The following TTC3 variants were observed in gnomAD, a reference collection of about 807,000 sequenced individuals.
The protein encoded by TTC3 is E3 ubiquitin-protein ligase TTC3.
Under a neutral mutation model 249.6 loss-of-function variants are expected in TTC3, and 180 were observed. The ratio of observed to expected loss-of-function variants is 0.72; its 90% CI spans 0.64 to 0.82. The LOEUF (loss-of-function observed/expected upper bound fraction) is 0.82, where lower values mean the gene tolerates loss of function less well. Among genes scored for constraint, TTC3 ranks in the 40% least tolerant of loss-of-function variants. The pLI is 0.00. For synonymous variants in TTC3, 717 were observed against 805.0 expected (o/e 0.89, Z 1.85); for missense variants, 2,061 against 2,398.4 (o/e 0.86, Z 2.94).
rs754363314 is a variant in TTC3 at position 37,150,900 on chromosome 21, A to G, written c.2276+16A>G. 2.7e-5 allele frequency: 42 copies of G among 1,561,328 alleles called. No homozygotes were observed. The South Asian group carries it at 4.1e-4, about 15-fold the overall frequency. The stretch of plus-strand genomic sequence containing the variant: ...AATGTTCTAGGTAAGATTTTTAACA[A>G]TCAATCAGTGGTTTGATGATGTCTC... On this transcript the variant is annotated intron_variant, in intron 25 of 45. Coordinates refer to ENST00000355666, the Ensembl canonical transcript of TTC3.
intron 11 of TTC3, among the ~76,000 whole-genome samples, chr21:37,114,161 T>A (rs1297722747): frequency 1.3e-5 from 2 of 152,032 alleles, no homozygotes; most frequent in African/African-American, 4.8e-5. Context: ...CCAAAAGCAA[T>A]GGCAACAAAA....
chr21:37,104,356 G>A (rs144908638), intron 10 of TTC3, among the ~76,000 whole-genome samples: 3 of 152,200 alleles, frequency 2.0e-5, no homozygotes, highest in East Asian at 1.9e-4. Context: ...TTGGGAGGCC[G>A]AGGTGGGAGG....
At chr21:37,094,317 T>G (rs2073678129) in intron 8 of TTC3, among the ~76,000 whole-genome samples, 1 of 152,194 alleles carries the variant, frequency 6.6e-6, no homozygotes, top group Admixed American at 6.5e-5. Flanking sequence ...GTTGAAGAAA[T>G]ATGATTTTCT....
At chr21:37,100,410 G>A (rs1462271116) in intron 10 of TTC3, among the ~76,000 whole-genome samples, 1 of 152,184 alleles carries the variant, frequency 6.6e-6, no homozygotes, top group African/African-American at 2.4e-5. Context: ...AGTGAACAAT[G>A]ATCTTGAAAA....
chr21:37,148,943 C>A (rs1307433427), intron 23 of TTC3, among the ~76,000 whole-genome samples: 1 of 135,670 alleles, frequency 7.4e-6, no homozygotes, highest in Non-Finnish European at 1.6e-5. Flanking sequence ...CCTACTTCAG[C>A]CTCCCAAAGT....
intron 10 of TTC3, among the ~76,000 whole-genome samples, chr21:37,101,918 T>TTATA (rs61552508): frequency 0.33 from 49,298 of 147,268 alleles, 9,913 homozygotes; most frequent in Non-Finnish European, 0.46. Context: ...AGTATATAGT[T>TTATA]TATATATATA....
At chr21:37,109,719 C>T (rs981199996) in intron 11 of TTC3, among the ~76,000 whole-genome samples, 2 of 152,248 alleles carry the variant, frequency 1.3e-5, no homozygotes, top group African/African-American at 2.4e-5. Context: ...AGTAGTGGTT[C>T]TCCCAGCACG....
intron 17 of TTC3, 66 bp from the exon 18 acceptor site, chr21:37,135,314 G>A (rs1363799212): frequency 1.3e-5 from 20 of 1,504,404 alleles, no homozygotes; most frequent in African/African-American, 2.8e-5. Context: ...TATGAACTTG[G>A]CATCTTAGGT....
At chr21:37,125,043 C>T (rs1398558909) in intron 14 of TTC3, among the ~76,000 whole-genome samples, 1 of 152,172 alleles carries the variant, frequency 6.6e-6, no homozygotes, top group Non-Finnish European at 1.5e-5. Flanking sequence ...TTGGAAAAGT[C>T]CTCTTGTTGA....
intron 27 of TTC3, among the ~76,000 whole-genome samples, chr21:37,153,610 A>G (rs2079700868): frequency 6.6e-6 from 1 of 152,212 alleles, no homozygotes; most frequent in African/African-American, 2.4e-5. Flanking sequence ...TATTTTATAG[A>G]TAGGTTACAG....
chr21:37,184,366 T>C (rs2083033543), intron 36 of TTC3, among the ~76,000 whole-genome samples: 2 of 152,200 alleles, frequency 1.3e-5, no homozygotes, highest in South Asian at 4.1e-4. Context: ...GAATAAACTT[T>C]TTATTGTTGA....
At chr21:37,091,183 CAGTTTTGT>C (rs2147688804) in intron 6 of TTC3, 102 bp from the exon 7 acceptor site, 2 of 1,169,420 alleles carry the variant, frequency 1.7e-6, no homozygotes, top group Non-Finnish European at 2.5e-6. Flanking sequence ...GTGGTTGTAC[CAGTTTTGT>C]AGTAAGGATC....
exon 8 of TTC3, chr21:37,094,036 A>G: frequency 6.2e-7 from 1 of 1,609,260 alleles, no homozygotes; most frequent in South Asian, 1.1e-5. Flanking sequence ...TTGTAATGGA[A>G]GACTGCAATT....
At chr21:37,091,490 G>A (rs2073255717) in intron 7 of TTC3, 77 bp downstream of exon 7, 18 of 1,295,890 alleles carry the variant, frequency 1.4e-5, no homozygotes, top group Non-Finnish European at 1.8e-5. Flanking sequence ...GTAGTTAAGT[G>A]ATTTCTGATT....
chr21:37,142,041 A>C (rs1236552030), intron 20 of TTC3, among the ~76,000 whole-genome samples: 2 of 152,338 alleles, frequency 1.3e-5, no homozygotes, highest in African/African-American at 4.8e-5. Flanking sequence ...GCCTTTGACA[A>C]AATTCAACAG....
At chr21:37,110,439 A>G (rs1325517505) in intron 11 of TTC3, among the ~76,000 whole-genome samples, 5 of 152,262 alleles carry the variant, frequency 3.3e-5, no homozygotes, top group Admixed American at 6.5e-5. Flanking sequence ...GATGCGATCA[A>G]CTGGAAGAAA....
intron 21 of TTC3, 123 bp downstream of exon 21, chr21:37,144,768 C>G (rs2078839846): frequency 1.4e-5 from 17 of 1,175,500 alleles, no homozygotes; most frequent in Non-Finnish European, 2.0e-5. Flanking sequence ...CGCATTTCCC[C>G]TCTACTGTCT....
intron 41 of TTC3, 37 bp from the exon 42 acceptor site, chr21:37,195,638 G>T: frequency 6.4e-7 from 1 of 1,556,576 alleles, no homozygotes; most frequent in Non-Finnish European, 8.7e-7. Context: ...TTCAAGGGAA[G>T]CCCTAAGTGA....
chr21:37,183,097 TC>T (rs1269543861), intron 36 of TTC3, among the ~76,000 whole-genome samples, 184 bp downstream of exon 36: 1 of 152,204 alleles, frequency 6.6e-6, no homozygotes, highest in Admixed American at 6.5e-5. Context: ...TGAATTTTTT[TC>T]TAAACTTAAC....
Sources: allele counts gnomAD v4.1 joint callset (sites outside exome capture counted in the v4.1 genomes callset), GRCh38; gene constraint gnomAD v4.1.1; transcripts MANE v1.5; gene names NCBI Gene and HGNC (gene_info 2026-07-23, HGNC 2026-07-21).